Variants in HS3ST4 observed in about 807,000 individuals in gnomAD.
HS3ST4 encodes the protein heparan sulfate-glucosamine 3-sulfotransferase 4.
A neutral mutation model predicts 29.2 loss-of-function variants in HS3ST4; 17 were observed. That is an observed-to-expected ratio of 0.58 (90% confidence interval 0.40 to 0.87). HS3ST4 has a LOEUF of 0.87. Among genes scored for constraint, HS3ST4 ranks in the 40% least tolerant of loss-of-function variants. The pLI is 0.00. For synonymous variants in HS3ST4, 314 were observed against 285.7 expected (o/e 1.10, Z -1.00); for missense variants, 627 against 634.5 (o/e 0.99, Z 0.13).
At chr16:25,881,319 C>A in intron 1 of HS3ST4, among the ~76,000 whole-genome samples, 1 of 152,108 alleles carries the variant, frequency 6.6e-6, no homozygotes, top group Non-Finnish European at 1.5e-5. Context: ...TTAACCAAAA[C>A]TCAACTCTTT....
At chr16:25,972,823 T>C (rs1596631611) in intron 1 of HS3ST4, among the ~76,000 whole-genome samples, 1 of 152,166 alleles carries the variant, frequency 6.6e-6, no homozygotes, top group African/African-American at 2.4e-5. Context: ...ACAGTGGCTG[T>C]GAGGATCAAA....
At position 25,693,080 on chromosome 16, in the gene HS3ST4, G is replaced by A. The variant is rs1966269072; in HGVS notation, c.663G>A (p.Pro221=). The A allele has an allele frequency of 1.9e-6, 3 of 1,608,684 alleles. No homozygotes were observed. The highest frequency in any genetic ancestry group is 2.5e-6 in the Non-Finnish European group (3 of 1,177,914). Residue 221 remains proline, a synonymous_variant, in exon 1 of 2, where the codon CCG becomes CCA. Transcript: ENST00000331351. ...TGCTGGAGGCGATCCGCGTGCACCC[G>A]GACGTGCGGGCGGTGGGCGTAGAGC... ...RALLEAIRVH[P]DVRAVGVEPH... is the part of the protein sequence containing the mutation.
At chr16:25,776,733 T>G (rs78759130) in intron 1 of HS3ST4, among the ~76,000 whole-genome samples, 1 of 152,214 alleles carries the variant, frequency 6.6e-6, no homozygotes, top group Non-Finnish European at 1.5e-5. Context: ...TTCCCTTTTA[T>G]CTGAAGCTCA....
intron 1 of HS3ST4, among the ~76,000 whole-genome samples, chr16:25,901,856 A>C (rs1216084210): frequency 2.6e-5 from 4 of 152,172 alleles, no homozygotes; most frequent in Non-Finnish European, 5.9e-5. Flanking sequence ...CTCCCAAAAA[A>C]CTGGCAAGGC....
At chr16:25,955,222 C>T (rs551479024) in intron 1 of HS3ST4, among the ~76,000 whole-genome samples, 1 of 152,100 alleles carries the variant, frequency 6.6e-6, no homozygotes, top group Non-Finnish European at 1.5e-5. Flanking sequence ...GTGGTATTTA[C>T]CCTAGACTTG....
intron 1 of HS3ST4, among the ~76,000 whole-genome samples, chr16:25,895,154 TG>T (rs201996202): frequency 0.036 from 5,449 of 151,950 alleles, 131 homozygotes; most frequent in African/African-American, 0.057. Context: ...TGTGTGTGTG[TG>T]TGTGTGCTCA....
At chr16:25,921,067 A>T (rs751678329) in intron 1 of HS3ST4, among the ~76,000 whole-genome samples, 4 of 152,174 alleles carry the variant, frequency 2.6e-5, no homozygotes, top group Non-Finnish European at 4.4e-5. Flanking sequence ...AATCTTTGTC[A>T]TATTTATTTT....
intron 1 of HS3ST4, among the ~76,000 whole-genome samples, chr16:26,044,661 CA>C (rs2141761005): frequency 6.6e-6 from 1 of 152,146 alleles, no homozygotes; most frequent in East Asian, 1.9e-4. Context: ...TAGGGATGGG[CA>C]AGCTAGGGAT....
At chr16:25,896,377 G>A (rs1968065050) in intron 1 of HS3ST4, among the ~76,000 whole-genome samples, 1 of 152,128 alleles carries the variant, frequency 6.6e-6, no homozygotes, top group African/African-American at 2.4e-5. Context: ...CATACAGGCA[G>A]GTAACAAACA....
At chr16:26,080,487 A>C (rs925403341) in intron 1 of HS3ST4, among the ~76,000 whole-genome samples, 1 of 152,200 alleles carries the variant, frequency 6.6e-6, no homozygotes, top group Non-Finnish European at 1.5e-5. Flanking sequence ...GGTTCACTTA[A>C]GTACTGATCC....
chr16:25,757,848 G>A (rs945651612), intron 1 of HS3ST4, among the ~76,000 whole-genome samples: 1 of 152,080 alleles, frequency 6.6e-6, no homozygotes, highest in African/African-American at 2.4e-5. Context: ...AAACTGTAGA[G>A]TTCCCAGCTC....
intron 1 of HS3ST4, among the ~76,000 whole-genome samples, chr16:26,066,344 G>A (rs1197887823): frequency 6.6e-6 from 1 of 152,200 alleles, no homozygotes; most frequent in African/African-American, 2.4e-5. Context: ...AAAGAGGTGG[G>A]AGGAACGGTA....
At chr16:26,134,544 T>C (rs548810018) in intron 1 of HS3ST4, among the ~76,000 whole-genome samples, 128 of 152,026 alleles carry the variant, frequency 8.4e-4, no homozygotes, top group African/African-American at 2.1e-3. Context: ...TGTATTTTAG[T>C]AGTGATGGGG....
chr16:25,713,873 C>T (rs1041635568), intron 1 of HS3ST4, among the ~76,000 whole-genome samples: 11 of 152,170 alleles, frequency 7.2e-5, no homozygotes. Flanking sequence ...GGATCCAATT[C>T]CCTTGGCCCT....
chr16:26,007,690 CA>C (rs1323741843), intron 1 of HS3ST4, among the ~76,000 whole-genome samples: 4 of 152,186 alleles, frequency 2.6e-5, no homozygotes, highest in African/African-American at 9.6e-5. Context: ...GCATTGAAGA[CA>C]GAAGCCTTCA....
intron 1 of HS3ST4, among the ~76,000 whole-genome samples, chr16:25,951,133 T>G (rs978824595): frequency 6.6e-6 from 1 of 152,172 alleles, no homozygotes; most frequent in African/African-American, 2.4e-5. Flanking sequence ...CATCATTTGG[T>G]GCTGGGTGGA....
intron 1 of HS3ST4, among the ~76,000 whole-genome samples, chr16:25,867,582 GCACACACACATGCA>G (rs1046572273): frequency 1.3e-5 from 2 of 151,672 alleles, no homozygotes; most frequent in African/African-American, 4.9e-5. Flanking sequence ...ACACACGCAC[GCACACACACATGCA>G]CACACACACA....
intron 1 of HS3ST4, among the ~76,000 whole-genome samples, chr16:25,879,164 C>T (rs760513178): frequency 2.6e-5 from 4 of 152,098 alleles, no homozygotes; most frequent in South Asian, 2.1e-4. Context: ...ATCTGATATA[C>T]GTTTGGATGA....
rs1400121576 is a variant in HS3ST4 at position 25,748,171 on chromosome 16, C to T, written c.734+55020C>T. 5.1e-4 allele frequency among the ~76,000 whole-genome samples: 78 copies of T among 152,150 alleles called. 2 individuals carry two copies. Among genetic ancestry groups the T allele is most frequent in the Non-Finnish European group, 5.9e-5 (4 of 68,022 alleles). ...ATGCATTGAGCTCTCCCCAGAGCTG[C>T]TGCATCCTGGCTGTGCTTGGGTGGG... is the stretch of plus-strand genomic sequence containing the variant. On this transcript the variant is annotated intron_variant, in intron 1 of 1. Coordinates refer to ENST00000331351, the MANE Select transcript of HS3ST4 (RefSeq NM_006040.3).
Sources: gnomAD v4.1 joint callset for allele counts (sites outside exome capture counted in the v4.1 genomes callset) on GRCh38, gnomAD v4.1.1 for gene constraint, MANE v1.5 for transcripts, NCBI Gene and HGNC (gene_info 2026-07-23, HGNC 2026-07-21) for gene names.